Variants in SVEP1 observed in about 807,000 individuals in gnomAD.
SVEP1 encodes the protein sushi, von Willebrand factor type A, EGF and pentraxin domain containing 1.
A neutral mutation model predicts 367.3 loss-of-function variants in SVEP1; 164 were observed. The ratio of observed to expected loss-of-function variants is 0.45; its 90% CI spans 0.39 to 0.51. SVEP1 has a LOEUF of 0.51. SVEP1 is among the 20% of genes least tolerant of loss of function. The probability of loss-of-function intolerance (pLI) is 0.00; values close to 1 mark genes in which losing one functional copy is unlikely to be tolerated. For synonymous variants in SVEP1, 1,666 were observed against 1,611.6 expected (o/e 1.03, Z -0.81); for missense variants, 4,117 against 4,425.3 (o/e 0.93, Z 1.98).
chr9:110,386,360 A>T (rs1827522470), intron 42 of SVEP1, among the ~76,000 whole-genome samples: 1 of 152,222 alleles, frequency 6.6e-6, no homozygotes, highest in Non-Finnish European at 1.5e-5. Context: ...ATGGGCCACA[A>T]CATTATTTTA....
chr9:110,479,809 G>A, intron 12 of SVEP1, 53 bp from the exon 13 acceptor site: 1 of 1,568,300 alleles, frequency 6.4e-7, no homozygotes, highest in Non-Finnish European at 8.6e-7. Context: ...TTAAAACAAA[G>A]ATTTGACTTT....
At position 110,455,645 on chromosome 9, in the gene SVEP1, T is replaced by G. The variant is rs747726887; in HGVS notation, c.3732A>C (p.Gly1244=). The G allele has an allele frequency of 2.5e-6, 4 of 1,613,484 alleles. No homozygotes were observed. The highest frequency in any genetic ancestry group is 4.5e-5 in the East Asian group (2 of 44,868). The change falls in exon 22 of 48, where the codon GGA becomes GGC. Residue 1244 remains glycine, a synonymous_variant. Coordinates refer to ENST00000374469, the MANE Select transcript of SVEP1 (RefSeq NM_153366.4). ...ATTCCCCAACTAGGTCTTTACAAAC[T>G]CCATTGTTGAGGCAAGGCAGTGGGC... ...ECSPLPCLNN[G]VCKDLVGEFI...
intron 1 of SVEP1, among the ~76,000 whole-genome samples, chr9:110,550,479 T>TATCC (rs1358703993): frequency 1.9e-4 from 10 of 53,932 alleles, no homozygotes; most frequent in African/African-American, 6.7e-4. Flanking sequence ...TTCCACAAAT[T>TATCC]ATCTATCTAT....
chr9:110,497,814 A>T (rs1829473864), intron 7 of SVEP1, among the ~76,000 whole-genome samples: 1 of 152,236 alleles, frequency 6.6e-6, no homozygotes, highest in Non-Finnish European at 1.5e-5. Flanking sequence ...GGTCTTCTGT[A>T]ACTTCTGGCT....
At chr9:110,512,156 T>G (rs1180354000) in intron 5 of SVEP1, among the ~76,000 whole-genome samples, 1 of 152,106 alleles carries the variant, frequency 6.6e-6, no homozygotes, top group Admixed American at 6.5e-5. Context: ...CAACCGTAGG[T>G]AGGGAGCAGG....
intron 39 of SVEP1, 133 bp downstream of exon 39, chr9:110,404,194 C>A: frequency 1.2e-6 from 1 of 855,372 alleles, no homozygotes; most frequent in Non-Finnish European, 1.8e-6. Flanking sequence ...TACCAAGAAA[C>A]TTTTCAAATC....
intron 46 of SVEP1, among the ~76,000 whole-genome samples, chr9:110,374,292 C>T (rs1827318126): frequency 6.6e-6 from 1 of 152,120 alleles, no homozygotes; most frequent in South Asian, 2.1e-4. Context: ...GCCTCCAGCT[C>T]CATCCATATT....
chr9:110,433,893 T>G (rs1302645060), intron 30 of SVEP1, among the ~76,000 whole-genome samples: 1 of 152,198 alleles, frequency 6.6e-6, no homozygotes, highest in African/African-American at 2.4e-5. Context: ...CCTATTAGAA[T>G]GTAAACTACA....
chr9:110,389,445 C>G (rs1308842106), intron 41 of SVEP1, 79 bp downstream of exon 41: 15 of 1,536,602 alleles, frequency 9.8e-6, no homozygotes, highest in Non-Finnish European at 1.2e-5. Context: ...CAAAACTAAC[C>G]TATAAAGAAA....
At chr9:110,447,401 T>C (rs1468782205) in intron 24 of SVEP1, among the ~76,000 whole-genome samples, 3 of 152,244 alleles carry the variant, frequency 2.0e-5, no homozygotes, top group Non-Finnish European at 4.4e-5. Context: ...CCAATTTTCA[T>C]AACAATGAGG....
intron 6 of SVEP1, among the ~76,000 whole-genome samples, chr9:110,502,350 C>A (rs1394998658): frequency 6.6e-6 from 1 of 152,078 alleles, no homozygotes; most frequent in Non-Finnish European, 1.5e-5. Context: ...GATTTGTTCA[C>A]CTCAGCCTCC....
chr9:110,446,154 A>G (rs1828594518), intron 25 of SVEP1, 116 bp from the exon 26 acceptor site: 1 of 909,156 alleles, frequency 1.1e-6, no homozygotes, highest in Non-Finnish European at 1.7e-6. Flanking sequence ...TTATCTAAGA[A>G]GCAGTTTCAA....
At chr9:110,574,151 A>G (rs915690894) in intron 1 of SVEP1, among the ~76,000 whole-genome samples, 5 of 152,228 alleles carry the variant, frequency 3.3e-5, no homozygotes, top group South Asian at 2.1e-4. Flanking sequence ...AGCAAATTTC[A>G]TGTTGTTAAA....
chr9:110,546,415 T>A, intron 2 of SVEP1, 124 bp from the exon 3 acceptor site: 1 of 1,091,196 alleles, frequency 9.2e-7, no homozygotes, highest in South Asian at 1.6e-5. Context: ...AATTCCCAAC[T>A]GCTTCCTGCT....
At chr9:110,468,080 G>A (rs1828965712) in intron 17 of SVEP1, among the ~76,000 whole-genome samples, 1 of 152,138 alleles carries the variant, frequency 6.6e-6, no homozygotes, top group African/African-American at 2.4e-5. Context: ...AAAACCATGA[G>A]CCAATTAAAA....
chr9:110,390,188 C>CTTATATAAGTATATATACATACAT (rs1564127335), intron 40 of SVEP1, among the ~76,000 whole-genome samples: 6 of 6,478 alleles, frequency 9.3e-4, no homozygotes, highest in African/African-American at 2.6e-3. Flanking sequence ...TGTATATATA[C>CTTATATAAGTATATATACATACAT]ACTTATATAA....
intron 7 of SVEP1, among the ~76,000 whole-genome samples, chr9:110,497,716 C>T (rs1014015810): frequency 6.6e-6 from 1 of 152,192 alleles, no homozygotes; most frequent in African/African-American, 2.4e-5. Flanking sequence ...GACGTGCTAA[C>T]GTTACACAGA....
intron 40 of SVEP1, among the ~76,000 whole-genome samples, chr9:110,396,762 C>G (rs1016046309): frequency 1.8e-3 from 273 of 151,922 alleles, no homozygotes; most frequent in African/African-American, 6.2e-3. Flanking sequence ...ATAAATTCCT[C>G]GACACATACA....
At chr9:110,528,156 G>GTGTGTATGTATATATATATATATA in intron 3 of SVEP1, among the ~76,000 whole-genome samples, 1 of 33,940 alleles carries the variant, frequency 2.9e-5, no homozygotes, top group South Asian at 9.6e-4. Context: ...GTGTGTGTGT[G>GTGTGTATGTATATATATATATATA]TATATATATA....
Sources: allele counts gnomAD v4.1 joint callset (sites outside exome capture counted in the v4.1 genomes callset), GRCh38; gene constraint gnomAD v4.1.1; transcripts MANE v1.5; gene names NCBI Gene and HGNC (gene_info 2026-07-23, HGNC 2026-07-21).